The following GPR55 variants were observed in gnomAD, a reference collection of about 807,000 sequenced individuals.
GPR55 encodes G protein-coupled receptor 55.
GPR55 carries 6 observed loss-of-function variants against 7.9 expected under a neutral mutation model. The observed-to-expected ratio is 0.76, with a 90% CI of 0.41 to 1.49. The LOEUF (loss-of-function observed/expected upper bound fraction) is 1.49. Ranked by LOEUF, GPR55 falls within the 40% of genes most tolerant of loss-of-function variation. GPR55 has a pLI of 0.01. For missense variants in GPR55, 376 were observed against 406.0 expected (o/e 0.93, Z 0.63); for synonymous variants, 183 against 166.8 (o/e 1.10, Z -0.75).
intron 1 of GPR55, among the ~76,000 whole-genome samples, chr2:230,960,033 A>G (rs976416249): frequency 3.2e-4 from 48 of 152,226 alleles, no homozygotes; most frequent in African/African-American, 1.1e-3. Flanking sequence ...CCACCAGTAC[A>G]TGCCTGGGCT....
chr2:230,943,498 G>A lies in GPR55; in HGVS notation c.-135+17277C>T, dbSNP rs556426280. On this transcript the variant is annotated intron_variant, in intron 1 of 1. Transcript: ENST00000392039. ...TGTTTGTCTCCGGGCATCCCCAGCT[G>A]GGGGGCCAAGCAAGAGAGGCAACAA... Among the ~76,000 whole-genome samples, 67 of 152,322 alleles carry A rather than the reference G, an allele frequency of 4.4e-4. No individual in the cohort carries two copies. In the South Asian group the frequency reaches 8.7e-3, roughly 20 times the overall value.
Position 230,944,548 on chromosome 2 carries a change from C to T in GPR55, c.-135+16227G>A, listed in dbSNP as rs915049321. Among the ~76,000 whole-genome samples the T allele has an allele frequency of 6.6e-6, 1 of 152,112 alleles. No homozygotes were observed. The highest frequency in any genetic ancestry group is 2.4e-5 in the African/African-American group (1 of 41,416). Reference sequence around the variant, plus strand: ...CAAGATTTAATTCTCAGAGTGAAAACGAGAATGCCGTGTCTCTGGGAGCCC... The same window carrying T: ...CAAGATTTAATTCTCAGAGTGAAAATGAGAATGCCGTGTCTCTGGGAGCCC... On this transcript the variant is annotated intron_variant, in intron 1 of 1. Transcript: ENST00000392039. This position sits in a 1 kb window ranked among gnomAD's most constrained non-coding sequence, Gnocchi z 4.2.
At chr2:230,942,255 C>T (rs1296899560) in intron 1 of GPR55, among the ~76,000 whole-genome samples, 1 of 152,170 alleles carries the variant, frequency 6.6e-6, no homozygotes, top group East Asian at 1.9e-4. Flanking sequence ...GAAAGGGGGC[C>T]CAGGACAGAG....
At chr2:230,948,372 C>T (rs570253084) in intron 1 of GPR55, among the ~76,000 whole-genome samples, 8 of 152,180 alleles carry the variant, frequency 5.3e-5, no homozygotes, top group Non-Finnish European at 8.8e-5. Flanking sequence ...CCGCACTGAC[C>T]TGGGGAAGCA....
intron 1 of GPR55, among the ~76,000 whole-genome samples, chr2:230,934,315 G>A (rs543813830): frequency 3.9e-5 from 6 of 152,230 alleles, no homozygotes; most frequent in South Asian, 4.1e-4. Context: ...GCTGTGGAAC[G>A]AGCACCGAGT....
chr2:230,933,995 A>G (rs1237733585), intron 1 of GPR55, among the ~76,000 whole-genome samples: 1 of 152,170 alleles, frequency 6.6e-6, no homozygotes, highest in Non-Finnish European at 1.5e-5. Context: ...GTGCTGGGTC[A>G]GGCTGTGGTC....
At chr2:230,938,486 A>G (rs1691168880) in intron 1 of GPR55, among the ~76,000 whole-genome samples, 1 of 152,114 alleles carries the variant, frequency 6.6e-6, no homozygotes, top group African/African-American at 2.4e-5. Flanking sequence ...AGATGGTTTT[A>G]ACAAATATTT....
chr2:230,913,430 T>A (rs968017938), intron 1 of GPR55, among the ~76,000 whole-genome samples: 7 of 152,246 alleles, frequency 4.6e-5, no homozygotes, highest in African/African-American at 1.7e-4. Context: ...ATATATATCA[T>A]CCATTGAGCA....
chr2:230,943,486 G>A (rs1691266109), intron 1 of GPR55, among the ~76,000 whole-genome samples: 1 of 152,232 alleles, frequency 6.6e-6, no homozygotes, highest in South Asian at 2.1e-4. Flanking sequence ...TTGTCTCCGG[G>A]CATCCCCAGC....
intron 1 of GPR55, among the ~76,000 whole-genome samples, chr2:230,946,595 C>T (rs1371195706): frequency 8.5e-5 from 13 of 152,166 alleles, no homozygotes; most frequent in Admixed American, 7.2e-4. Context: ...CAAGATGCCA[C>T]GAGGTCAGTG....
chr2:230,951,773 TTG>T (rs1574636661), intron 1 of GPR55, among the ~76,000 whole-genome samples: 16 of 150,200 alleles, frequency 1.1e-4, no homozygotes, highest in African/African-American at 3.7e-4. Context: ...TTTTTTTTTT[TTG>T]TGAGACAGGG....
intron 1 of GPR55, among the ~76,000 whole-genome samples, chr2:230,937,762 TAGA>T (rs1453449884): frequency 6.6e-6 from 1 of 152,144 alleles, no homozygotes; most frequent in African/African-American, 2.4e-5. Flanking sequence ...AGACCTCATC[TAGA>T]AGAATGTTTA....
chr2:230,912,366 C>T (rs1381456345), intron 1 of GPR55, among the ~76,000 whole-genome samples: 4 of 152,194 alleles, frequency 2.6e-5, no homozygotes, highest in African/African-American at 4.8e-5. Context: ...AGGGAGGAGA[C>T]ATCAGCATGG....
intron 1 of GPR55, among the ~76,000 whole-genome samples, chr2:230,943,860 G>C (rs939735516): frequency 1.3e-5 from 2 of 152,258 alleles, no homozygotes; most frequent in African/African-American, 2.4e-5. Flanking sequence ...TGCAAGCAAG[G>C]TCTCATCAGA....
At chr2:230,945,064 G>A (rs933566344) in intron 1 of GPR55, among the ~76,000 whole-genome samples, 3 of 152,208 alleles carry the variant, frequency 2.0e-5, no homozygotes, top group African/African-American at 7.2e-5. Context: ...CAGCCTCTAG[G>A]GGAAGGATTT....
At chr2:230,933,286 A>G (rs1393027198) in intron 1 of GPR55, among the ~76,000 whole-genome samples, 1 of 151,050 alleles carries the variant, frequency 6.6e-6, no homozygotes, top group Non-Finnish European at 1.5e-5. Context: ...GCCTCCAGCC[A>G]CCTGGGCAGA....
upstream of GPR55, among the ~76,000 whole-genome samples, chr2:230,926,060 G>A (rs142866908): frequency 1.9e-3 from 291 of 152,362 alleles, no homozygotes; most frequent in African/African-American, 5.9e-3. Context: ...GGGAGGCCCT[G>A]TCGGAGGACC....
intron 1 of GPR55, among the ~76,000 whole-genome samples, chr2:230,934,297 C>G (rs757032371): frequency 6.6e-6 from 1 of 152,232 alleles, no homozygotes; most frequent in African/African-American, 2.4e-5. Flanking sequence ...GCACCTCTCT[C>G]ACCAAAAGCT....
rs899291439 is a variant in GPR55 at position 230,932,847 on chromosome 2, G to A, written c.-134-21751C>T. Among the ~76,000 whole-genome samples, 34 of 152,174 alleles carry A rather than the reference G, an allele frequency of 2.2e-4. 2 individuals are homozygous for A. ...CCTCAGTCTGCACATCCCTGTAGCT[G>A]TGCTACAGGCAGGACTGCTGCTCTC... On this transcript the variant is annotated intron_variant, in intron 1 of 1. Transcript: ENST00000392039.
Sources: allele counts gnomAD v4.1 joint callset (sites outside exome capture counted in the v4.1 genomes callset), GRCh38; gene constraint gnomAD v4.1.1; non-coding constraint Gnocchi (gnomAD v3.1); transcripts MANE v1.5; gene names NCBI Gene and HGNC (gene_info 2026-07-23, HGNC 2026-07-21).